MYO5A: variants seen among roughly 807,000 people sequenced by gnomAD.
The protein encoded by MYO5A is unconventional myosin-Va.
A neutral mutation model predicts 249.7 loss-of-function variants in MYO5A; 98 were observed. The observed-to-expected ratio is 0.39, with a 90% CI of 0.33 to 0.46. The LOEUF (loss-of-function observed/expected upper bound fraction) is 0.46, where lower values mean the gene tolerates loss of function less well. Ranked by LOEUF, MYO5A falls within the 20% of genes least tolerant of loss-of-function variation. The probability of loss-of-function intolerance (pLI) is 0.98; values close to 1 mark genes in which losing one functional copy is unlikely to be tolerated. For missense variants in MYO5A, 1,696 were observed against 2,308.8 expected (o/e 0.73, Z 5.44); for synonymous variants, 778 against 810.6 (o/e 0.96, Z 0.68).
chr15:52,471,074 C>G (rs1056391868), intron 1 of MYO5A, among the ~76,000 whole-genome samples: 2 of 151,448 alleles, frequency 1.3e-5, no homozygotes, highest in African/African-American at 4.9e-5. Context: ...TCCAGACCTT[C>G]TTGGGGTCCA....
intron 1 of MYO5A, among the ~76,000 whole-genome samples, chr15:52,478,362 G>T (rs1221281298): frequency 6.6e-6 from 1 of 152,040 alleles, no homozygotes; most frequent in Admixed American, 6.5e-5. Flanking sequence ...GTGCTTCCTG[G>T]GTGAGGCGAT....
chr15:52,449,897 A>AAGC (rs2075978952), intron 1 of MYO5A, among the ~76,000 whole-genome samples: 1 of 152,098 alleles, frequency 6.6e-6, no homozygotes, highest in African/African-American at 2.4e-5. Flanking sequence ...GCTACTTAGA[A>AAGC]AGCTGAGGTT....
Position 52,317,076 on chromosome 15 carries a change from G to A in MYO5A, c.5381C>T (p.Ser1794Phe). Residue 1794 changes from serine to phenylalanine, a missense_variant, in exon 40 of 42, where the codon TCT (serine) becomes TTT (phenylalanine). Coordinates refer to ENST00000399233, the MANE Select transcript of MYO5A (RefSeq NM_001382347.1). ...GGCAGTAGTTAAAGCATTGCACATA[G>A]AACAAATGGCTTCTGCATCATCATC... Reference protein sequence around the residue: ...KTDDDAEAICSMCNALTTAQI... With the variant: ...KTDDDAEAICFMCNALTTAQI... 6.2e-7 allele frequency: 1 copy of A among 1,614,126 alleles called. No individual in the cohort carries two copies. The highest frequency in any genetic ancestry group is 8.5e-7 in the Non-Finnish European group (1 of 1,179,996).
rs573540922 is a variant in MYO5A at position 52,391,619 on chromosome 15, T to G, written c.1542+311A>C. 5.5e-4 allele frequency among the ~76,000 whole-genome samples: 84 copies of G among 152,366 alleles called. 3 individuals carry two copies. The South Asian group carries it at 0.017, about 31-fold the overall frequency. The stretch of plus-strand genomic sequence containing the variant: ...ATATCTTCTGCACAGTTTCTTGCAT[T>G]TCTTTAAATTCTATCGCTGACCAAA... On this transcript the variant is annotated intron_variant, in intron 12 of 41. Transcript: ENST00000399233.
At chr15:52,341,082 T>C (rs1596315091) in intron 31 of MYO5A, among the ~76,000 whole-genome samples, 1 of 152,238 alleles carries the variant, frequency 6.6e-6, no homozygotes, top group African/African-American at 2.4e-5. Context: ...AGTACACCTT[T>C]GCCACAAAAC....
intron 1 of MYO5A, among the ~76,000 whole-genome samples, chr15:52,489,022 G>A (rs1302941407): frequency 6.6e-6 from 1 of 152,122 alleles, no homozygotes; most frequent in Non-Finnish European, 1.5e-5. Flanking sequence ...TCTTCTACAT[G>A]GCGTGTACAT....
chr15:52,400,465 C>G (rs2042700718), intron 9 of MYO5A, among the ~76,000 whole-genome samples: 1 of 152,156 alleles, frequency 6.6e-6, no homozygotes, highest in Non-Finnish European at 1.5e-5. Flanking sequence ...TACCACATTC[C>G]CTTTGTTGGC....
chr15:52,516,934 T>C (rs1422624970), intron 1 of MYO5A, among the ~76,000 whole-genome samples: 4 of 152,196 alleles, frequency 2.6e-5, no homozygotes, highest in African/African-American at 9.7e-5. Context: ...AATTATTCTC[T>C]CTGGCACAGA....
At chr15:52,457,420 C>CAA (rs35282872) in intron 1 of MYO5A, among the ~76,000 whole-genome samples, 3,733 of 87,058 alleles carry the variant, frequency 0.043, 82 homozygotes, top group Middle Eastern at 0.062. Flanking sequence ...GACCCTGTCT[C>CAA]AAAAAAAAAA....
Position 52,410,405 on chromosome 15 carries a change from A to G in MYO5A, c.684T>C (p.Phe228=). ...CACCAATGATTCGATATCTCTTATC[A>G]AAACCAATCTCAATATACTTCCCAA... ...SRFGKYIEIG[F]DKRYRIIGAN... is the part of the protein sequence containing the mutation. The change falls in exon 6 of 42, where the codon TTT becomes TTC. Residue 228 remains phenylalanine, a synonymous_variant. Transcript: ENST00000399233. 1 of 1,613,502 alleles carries G rather than the reference A, an allele frequency of 6.2e-7. No homozygotes were observed. Among genetic ancestry groups the G allele is most frequent in the Non-Finnish European group, 8.5e-7 (1 of 1,179,440 alleles).
At chr15:52,347,257 C>T (rs1322016826) in intron 29 of MYO5A, among the ~76,000 whole-genome samples, 3 of 152,142 alleles carry the variant, frequency 2.0e-5, no homozygotes, top group Non-Finnish European at 1.5e-5. Context: ...TCACTGCTGG[C>T]AAACCACAAT....
intron 1 of MYO5A, among the ~76,000 whole-genome samples, chr15:52,510,512 G>A (rs537538385): frequency 1.3e-5 from 2 of 152,284 alleles, no homozygotes; most frequent in Admixed American, 1.3e-4. Flanking sequence ...GTTAGGAACC[G>A]GGCCTCACAG....
intron 14 of MYO5A, among the ~76,000 whole-genome samples, chr15:52,385,886 T>G (rs186870720): frequency 1.3e-5 from 2 of 152,264 alleles, no homozygotes; most frequent in East Asian, 1.9e-4. Context: ...CCCACTTCAA[T>G]GGAAACAATG....
chr15:52,379,164 T>C (rs1862023315), intron 18 of MYO5A, among the ~76,000 whole-genome samples: 1 of 152,164 alleles, frequency 6.6e-6, no homozygotes, highest in African/African-American at 2.4e-5. Flanking sequence ...AATCTCTCCT[T>C]CCCATAGCTG....
chr15:52,485,496 T>C (rs2076802224), intron 1 of MYO5A, among the ~76,000 whole-genome samples: 1 of 152,172 alleles, frequency 6.6e-6, no homozygotes. Flanking sequence ...AATTCTAGAA[T>C]AACAAGGTCT....
intron 40 of MYO5A, among the ~76,000 whole-genome samples, chr15:52,315,968 C>T (rs1401026919): frequency 2.0e-5 from 3 of 152,092 alleles, no homozygotes; most frequent in Non-Finnish European, 4.4e-5. Context: ...GGCACTGTGG[C>T]TCACGCCTGT....
At chr15:52,373,988 G>A (rs1362565899) in intron 20 of MYO5A, among the ~76,000 whole-genome samples, 1 of 126,998 alleles carries the variant, frequency 7.9e-6, no homozygotes, top group Non-Finnish European at 1.7e-5. Context: ...TAAATAAATA[G>A]GGCCTAGGTC....
At chr15:52,443,842 G>A (rs540607171) in intron 1 of MYO5A, among the ~76,000 whole-genome samples, 213 of 152,136 alleles carry the variant, frequency 1.4e-3, no homozygotes, top group African/African-American at 4.9e-3. Context: ...TTAACTGGGA[G>A]TGGTGACACG....
rs1296274360 is a variant in MYO5A, at chr15:52,307,737, G to A, written c.*5959C>T. 6.6e-6 allele frequency: 1 copy of A among 152,078 alleles called. No homozygotes were observed. Among genetic ancestry groups the A allele is most frequent in the East Asian group, 1.9e-4 (1 of 5,192 alleles). The allele number at this position is 152,078 out of a possible 1,614,324, so 9.4% of individuals were successfully genotyped here. ...TGTTCAATTCCATTTTAGTTAAAAG[G>A]ATGTCCATTTCATAGTAAATTAATA... On this transcript the variant is annotated 3_prime_UTR_variant, in exon 42 of 42. Coordinates refer to ENST00000399233, the MANE Select transcript of MYO5A (RefSeq NM_001382347.1).
Sources: allele counts gnomAD v4.1 joint callset (sites outside exome capture counted in the v4.1 genomes callset), GRCh38; gene constraint gnomAD v4.1.1; transcripts MANE v1.5; gene names NCBI Gene and HGNC (gene_info 2026-07-23, HGNC 2026-07-21).